The following HSD17B3 variants were observed in gnomAD, a reference collection of about 807,000 sequenced individuals.
HSD17B3 encodes hydroxysteroid 17-beta dehydrogenase 3.
In HSD17B3, 29 loss-of-function variants were observed where a neutral mutation model predicts 41.1. The observed-to-expected ratio is 0.71, with a 90% CI of 0.53 to 0.96. HSD17B3 has a LOEUF of 0.96. Ranked by LOEUF, HSD17B3 falls within the 40% of genes least tolerant of loss-of-function variation. HSD17B3 has a pLI of 0.00. For missense variants in HSD17B3, 323 were observed against 374.6 expected, an observed-to-expected ratio of 0.86 and a Z score of 1.14; for synonymous variants, 126 against 145.6, an observed-to-expected ratio of 0.87 and a Z score of 0.97.
At chr9:96,259,787 T>C (rs1227643052) in intron 2 of HSD17B3, among the ~76,000 whole-genome samples, 2 of 152,138 alleles carry the variant, frequency 1.3e-5, no homozygotes, top group Non-Finnish European at 2.9e-5. Flanking sequence ...GTGTTACTTA[T>C]TTTTCTATAT....
intron 2 of HSD17B3, among the ~76,000 whole-genome samples, chr9:96,270,867 A>C (rs757333331): frequency 4.0e-5 from 6 of 149,524 alleles, no homozygotes; most frequent in Non-Finnish European, 7.4e-5. Context: ...CCAAAAATAC[A>C]TGTTTACACA....
chr9:96,277,835 GCACACACACA>G (rs3222260), intron 2 of HSD17B3, among the ~76,000 whole-genome samples: 22,030 of 145,956 alleles, frequency 0.15, 1,979 homozygotes, highest in African/African-American at 0.25. Context: ...GGAAAATGTG[GCACACACACA>G]CACACACACA....
Position 96,298,426 on chromosome 9 carries a change from T to C in HSD17B3, c.191A>G (p.Tyr64Cys), listed in dbSNP as rs2130799996. The change falls in exon 2 of 11, where the codon TAC becomes TGC. Residue 64 changes from tyrosine to cysteine, a missense_variant. Coordinates refer to ENST00000375263, the MANE Select transcript of HSD17B3 (RefSeq NM_000197.2). Reference sequence around the variant, plus strand: ...AGGAAGATAGCTTACCTCGAACGAGTACGCTTTCCCAATTCCATCGCCTGC... The same window carrying C: ...AGGAAGATAGCTTACCTCGAACGAGCACGCTTTCCCAATTCCATCGCCTGC... The part of the protein sequence containing the change: ...TGAGDGIGKA[Y>C]SFELAKRGLN... The C allele has an allele frequency of 6.2e-7, 1 of 1,613,608 alleles. No homozygotes were observed. The highest frequency in any genetic ancestry group is 1.1e-5 in the South Asian group (1 of 91,074).
chr9:96,290,456 C>CTTTTT lies in HSD17B3; in HGVS notation c.201+7955_201+7959dup, dbSNP rs61373611. Among the ~76,000 whole-genome samples the CTTTTT allele has an allele frequency of 9.2e-4, 72 of 78,420 alleles. 4 individuals are homozygous for CTTTTT. The highest frequency in any genetic ancestry group is 1.0e-3 in the East Asian group (2 of 2,006). The allele number at this position is 78,420 out of a possible 152,430, so 51.4% of individuals were successfully genotyped here. A position where few individuals can be genotyped will look rare whatever the true frequency, so the allele number is the denominator to read the frequency against. ...GAAGGGCACTGTGGTATTTCCTGGG[C>CTTTTT]TTTTTTTTTTTTTTTTTTTTTTTCC... On this transcript the variant is annotated intron_variant, in intron 2 of 10. Transcript: ENST00000375263.
At chr9:96,283,103 TCAAG>T (rs1325090300) in intron 2 of HSD17B3, among the ~76,000 whole-genome samples, 1 of 149,022 alleles carries the variant, frequency 6.7e-6, no homozygotes, top group Non-Finnish European at 1.5e-5. Flanking sequence ...CCTCCTGGGT[TCAAG>T]CGATCCTCCT....
At chr9:96,300,244 A>ACACG (rs1310067410) in intron 1 of HSD17B3, among the ~76,000 whole-genome samples, 2 of 151,688 alleles carry the variant, frequency 1.3e-5, no homozygotes. Context: ...ACACACACAC[A>ACACG]CACACACACG....
intron 2 of HSD17B3, among the ~76,000 whole-genome samples, chr9:96,287,072 G>GAA (rs1453294320): frequency 6.6e-6 from 1 of 152,190 alleles, no homozygotes; most frequent in Non-Finnish European, 1.5e-5. Context: ...CCAGGGGCCT[G>GAA]AAAGTGTTGG....
At chr9:96,273,175 T>A (rs1254511363) in intron 2 of HSD17B3, among the ~76,000 whole-genome samples, 1 of 152,090 alleles carries the variant, frequency 6.6e-6, no homozygotes, top group Non-Finnish European at 1.5e-5. Flanking sequence ...GTACTATAGC[T>A]TTGCAAGATG....
At chr9:96,290,789 G>A (rs1048923332) in intron 2 of HSD17B3, among the ~76,000 whole-genome samples, 14 of 151,780 alleles carry the variant, frequency 9.2e-5, no homozygotes, top group African/African-American at 1.9e-4. Flanking sequence ...AGCCGAGATC[G>A]CGCCACTGCA....
chr9:96,237,745 G>A lies in HSD17B3; in HGVS notation c.823-2175C>T, dbSNP rs548375060. Among the ~76,000 whole-genome samples, 105 of 152,268 alleles carry A rather than the reference G, an allele frequency of 6.9e-4. No homozygotes were observed. The South Asian group carries it at 9.7e-3, about 14-fold the overall frequency. On this transcript the variant is annotated intron_variant, in intron 10 of 10. Transcript: ENST00000375263. ...TTTATTTTCTCTCCTATTTCACCAG[G>A]CACAAAAACTCCTTTTCCTGGTCTG...
intron 4 of HSD17B3, among the ~76,000 whole-genome samples, chr9:96,252,560 A>G (rs929309054): frequency 6.6e-6 from 1 of 151,458 alleles, no homozygotes; most frequent in African/African-American, 2.4e-5. Context: ...AAAAAAAAAG[A>G]AAAGAAAATA....
intron 2 of HSD17B3, among the ~76,000 whole-genome samples, chr9:96,279,139 A>G (rs1037019680): frequency 9.2e-5 from 14 of 152,240 alleles, no homozygotes; most frequent in Non-Finnish European, 1.5e-5. Flanking sequence ...TAAATCAAAA[A>G]GTGTCTGAGA....
intron 3 of HSD17B3, 106 bp downstream of exon 3, chr9:96,254,762 G>A: frequency 4.2e-6 from 4 of 950,220 alleles, no homozygotes; most frequent in Non-Finnish European, 5.1e-6. Flanking sequence ...GGTGCCCCAG[G>A]CTCTGAGAGC....
At chr9:96,275,036 C>T (rs1191494399) in intron 2 of HSD17B3, among the ~76,000 whole-genome samples, 5 of 151,800 alleles carry the variant, frequency 3.3e-5, no homozygotes, top group African/African-American at 1.2e-4. Context: ...GCAGATTTCT[C>T]AGCAGAAACC....
At chr9:96,271,732 T>G (rs996613156) in intron 2 of HSD17B3, among the ~76,000 whole-genome samples, 4 of 152,252 alleles carry the variant, frequency 2.6e-5, no homozygotes, top group South Asian at 2.1e-4. Flanking sequence ...TATTGGGTTT[T>G]TTGTTGTTGT....
intron 5 of HSD17B3, 79 bp from the exon 6 acceptor site, chr9:96,249,865 C>G: frequency 1.2e-6 from 2 of 1,611,940 alleles, no homozygotes. Context: ...GCTAAAGAAC[C>G]ATGAAGTGGG....
chr9:96,268,498 T>C (rs1357183522), intron 2 of HSD17B3, among the ~76,000 whole-genome samples: 1 of 152,152 alleles, frequency 6.6e-6, no homozygotes, highest in East Asian at 1.9e-4. Context: ...ATGATAATGA[T>C]AATAAGTGGT....
At chr9:96,270,707 C>T (rs1293892789) in intron 2 of HSD17B3, among the ~76,000 whole-genome samples, 2 of 152,226 alleles carry the variant, frequency 1.3e-5, no homozygotes, top group Non-Finnish European at 2.9e-5. Context: ...TCTGACTGCC[C>T]TGTCTGTCAC....
chr9:96,262,983 C>T lies in HSD17B3; in HGVS notation c.202-8040G>A, dbSNP rs192131832. 3.3e-5 allele frequency among the ~76,000 whole-genome samples: 5 copies of T among 152,324 alleles called. No homozygotes were observed. The East Asian group carries it at 5.8e-4, about 18-fold the overall frequency. ...GCTGTCTTATTTATGAGTTTCCCTT[C>T]GCTATGCTTTCTTTGCCATTTGTCT... On this transcript the variant is annotated intron_variant, in intron 2 of 10. Coordinates refer to ENST00000375263, the MANE Select transcript of HSD17B3 (RefSeq NM_000197.2).
Sources: allele counts gnomAD v4.1 joint callset (sites outside exome capture counted in the v4.1 genomes callset), GRCh38; gene constraint gnomAD v4.1.1; transcripts MANE v1.5; gene names NCBI Gene and HGNC (gene_info 2026-07-23, HGNC 2026-07-21).